The following DCC variants were observed in gnomAD, a reference collection of about 807,000 sequenced individuals.
The protein encoded by DCC is netrin receptor DCC.
Under a neutral mutation model 172.5 loss-of-function variants are expected in DCC, and 58 were observed. That is an observed-to-expected ratio of 0.34 (90% CI 0.27 to 0.42). DCC has a LOEUF of 0.42. Among genes scored for constraint, DCC ranks in the 10% least tolerant of loss-of-function variants. The pLI, the probability that DCC is intolerant of heterozygous loss-of-function variation, is 1.00. For synonymous variants in DCC, 709 were observed against 644.5 expected (o/e 1.10, Z -1.52); for missense variants, 1,740 against 1,791.0 (o/e 0.97, Z 0.51).
intron 1 of DCC, among the ~76,000 whole-genome samples, chr18:52,598,193 T>C (rs1364819124): frequency 1.3e-5 from 2 of 152,206 alleles, no homozygotes; most frequent in African/African-American, 2.4e-5. Flanking sequence ...TGATAACGTT[T>C]AGTTTTTATA....
intron 24 of DCC, among the ~76,000 whole-genome samples, chr18:53,460,868 A>C (rs895444276): frequency 1.2e-4 from 19 of 152,140 alleles, no homozygotes; most frequent in African/African-American, 4.1e-4. Flanking sequence ...TGACTTCCAC[A>C]ATGGTTGAAC....
chr18:53,368,608 C>T (rs2058029834), intron 15 of DCC, among the ~76,000 whole-genome samples: 1 of 151,872 alleles, frequency 6.6e-6, no homozygotes, highest in African/African-American at 2.4e-5. Context: ...CATTTTGGGT[C>T]GATTTTTTGT....
chr18:52,989,146 A>C (rs1286556197), intron 5 of DCC, among the ~76,000 whole-genome samples: 1 of 152,144 alleles, frequency 6.6e-6, no homozygotes, highest in African/African-American at 2.4e-5. Context: ...TCCACCTCCC[A>C]AAATAATAAT....
intron 2 of DCC, among the ~76,000 whole-genome samples, chr18:52,794,101 A>G (rs150623405): frequency 6.9e-4 from 105 of 151,506 alleles, no homozygotes; most frequent in African/African-American, 2.4e-3. Context: ...AGCTTTTTCC[A>G]TTTTGCTCAG....
chr18:53,353,999 G>A (rs1281214900), intron 15 of DCC, among the ~76,000 whole-genome samples: 2 of 152,160 alleles, frequency 1.3e-5, no homozygotes, highest in Non-Finnish European at 2.9e-5. Flanking sequence ...ACCTATGAGT[G>A]AGAACATGCG....
At chr18:52,354,120 C>T (rs1984253634) in intron 1 of DCC, among the ~76,000 whole-genome samples, 1 of 152,140 alleles carries the variant, frequency 6.6e-6, no homozygotes, top group African/African-American at 2.4e-5. Flanking sequence ...GACTTAGTTA[C>T]TGGAGTAGTA....
At chr18:52,837,635 A>G (rs1192965953) in intron 2 of DCC, among the ~76,000 whole-genome samples, 1 of 152,196 alleles carries the variant, frequency 6.6e-6, no homozygotes, top group Non-Finnish European at 1.5e-5. Flanking sequence ...ACAAGTCTCT[A>G]GGAAGTTCCA....
intron 1 of DCC, among the ~76,000 whole-genome samples, chr18:52,589,236 T>C (rs1467554321): frequency 6.6e-6 from 1 of 152,204 alleles, no homozygotes; most frequent in South Asian, 2.1e-4. Context: ...CTTGCAAATA[T>C]ATGTAGAATG....
chr18:52,543,969 G>A (rs8086651), intron 1 of DCC, among the ~76,000 whole-genome samples: 1,659 of 152,214 alleles, frequency 0.011, 39 homozygotes, highest in African/African-American at 0.038. Flanking sequence ...GCTATGAAAC[G>A]CTTACAAAAG....
intron 10 of DCC, among the ~76,000 whole-genome samples, chr18:53,205,909 G>A (rs930013471): frequency 6.6e-6 from 1 of 151,714 alleles, no homozygotes; most frequent in African/African-American, 2.4e-5. Flanking sequence ...CTGAAAAGAA[G>A]CAAATTAACT....
rs991462087 is a variant in DCC, at chr18:53,520,600, G to A, written c.4112-6017G>A. Among the ~76,000 whole-genome samples, 3 of 152,072 alleles carry A rather than the reference G, an allele frequency of 2.0e-5. No individual in the cohort carries two copies. In the East Asian group the frequency reaches 5.8e-4, roughly 30 times the overall value. On this transcript the variant is annotated intron_variant, in intron 27 of 28. Coordinates refer to ENST00000442544, the MANE Select transcript of DCC (RefSeq NM_005215.4). ...AGCACTTAAGGAAAAAGCACTGCTT[G>A]GTGAGCTTGTAGGGACCCAGATTTC... is the stretch of plus-strand genomic sequence containing the variant.
intron 9 of DCC, among the ~76,000 whole-genome samples, chr18:53,182,545 A>G (rs1480079934): frequency 6.6e-6 from 1 of 152,214 alleles, no homozygotes; most frequent in East Asian, 1.9e-4. Context: ...CAATTCATGT[A>G]TATTGAGTAC....
intron 12 of DCC, among the ~76,000 whole-genome samples, chr18:53,230,520 G>C (rs1426756988): frequency 6.6e-6 from 1 of 151,846 alleles, no homozygotes; most frequent in East Asian, 1.9e-4. Context: ...TAATTTTCTT[G>C]ATTCATTTAG....
At chr18:52,959,994 A>C (rs2040815861) in intron 5 of DCC, among the ~76,000 whole-genome samples, 1 of 152,060 alleles carries the variant, frequency 6.6e-6, no homozygotes, top group African/African-American at 2.4e-5. Context: ...ACTTCATGCT[A>C]GACACTGAAA....
chr18:53,169,973 T>C (rs972789489), intron 8 of DCC, among the ~76,000 whole-genome samples: 1 of 152,114 alleles, frequency 6.6e-6, no homozygotes, highest in Non-Finnish European at 1.5e-5. Context: ...CAAACTCAGA[T>C]GTTACTTAGT....
At chr18:52,671,900 C>G (rs1236993207) in intron 1 of DCC, among the ~76,000 whole-genome samples, 1 of 152,018 alleles carries the variant, frequency 6.6e-6, no homozygotes, top group Non-Finnish European at 1.5e-5. Context: ...AGTAAATACC[C>G]CATAAAGCAG....
Position 53,530,735 on chromosome 18 carries a change from A to C in DCC, c.*82A>C. 1 of 810,482 alleles carries C rather than the reference A, an allele frequency of 1.2e-6. No homozygotes were observed. Among genetic ancestry groups the C allele is most frequent in the Non-Finnish European group, 2.2e-6 (1 of 448,442 alleles). 50.2% of individuals were successfully genotyped at this position (810,482 alleles called of 1,614,324 possible). A position where few individuals can be genotyped will look rare whatever the true frequency, so the allele number is the denominator to read the frequency against. On this transcript the variant is annotated 3_prime_UTR_variant, in exon 29 of 29. Transcript: ENST00000442544. ...ACCCATAAACAGCACACCTGTGTCC[A>C]AGAACTCTAACCAGTGTACAGGTCA...
intron 5 of DCC, among the ~76,000 whole-genome samples, chr18:53,061,881 A>G (rs934650792): frequency 3.3e-5 from 5 of 152,138 alleles, no homozygotes; most frequent in African/African-American, 1.2e-4. Context: ...TCAGCTCTCA[A>G]TAAATGTTTG....
At chr18:52,609,261 G>A (rs1163830411) in intron 1 of DCC, among the ~76,000 whole-genome samples, 1 of 152,130 alleles carries the variant, frequency 6.6e-6, no homozygotes, top group African/African-American at 2.4e-5. Flanking sequence ...CGATCAGAGA[G>A]TGAAAGGCGA....
Sources: allele counts gnomAD v4.1 joint callset (sites outside exome capture counted in the v4.1 genomes callset), GRCh38; gene constraint gnomAD v4.1.1; transcripts MANE v1.5; gene names NCBI Gene and HGNC (gene_info 2026-07-23, HGNC 2026-07-21).